Variants in MARK4 observed in about 807,000 individuals in gnomAD.
MARK4 encodes the protein microtubule affinity regulating kinase 4, also known as MAP/microtubule affinity-regulating kinase 4.
In MARK4, 19 loss-of-function variants were observed where a neutral mutation model predicts 81.5. That is an observed-to-expected ratio of 0.23 (90% CI 0.16 to 0.34). The LOEUF (loss-of-function observed/expected upper bound fraction) is 0.34, where lower values mean the gene tolerates loss of function less well. Ranked by LOEUF, MARK4 falls within the 10% of genes least tolerant of loss-of-function variation. MARK4 has a pLI of 1.00. For missense variants in MARK4, 772 were observed against 1,058.8 expected (o/e 0.73, Z 3.76); for synonymous variants, 436 against 439.0 (o/e 0.99, Z 0.08).
intron 12 of MARK4, among the ~76,000 whole-genome samples, chr19:45,286,442 G>A (rs1009291906): frequency 6.8e-6 from 1 of 146,082 alleles, no homozygotes; most frequent in African/African-American, 2.5e-5. Context: ...GGGTGCGGTG[G>A]CTCACGCCTG....
At position 45,302,564 on chromosome 19, in the gene MARK4, G is replaced by A. The variant is rs1246076455; in HGVS notation, c.2113G>A (p.Gly705Arg). The stretch of plus-strand genomic sequence containing the variant: ...GGCCTGCCTGCACGGGGGTGCGGGC[G>A]GGCCCGAGCCCCTGTCCCACTTCGA... Reference protein sequence around the residue: ...LLACLHGGAGGPEPLSHFEVE... With the variant: ...LLACLHGGAGRPEPLSHFEVE... Residue 705 changes from glycine to arginine, a missense_variant, in exon 17 of 17, where the codon GGG becomes AGG. Gly to Arg is a moderately radical substitution (Grantham distance 125). Coordinates refer to ENST00000262891, the MANE Select transcript of MARK4 (RefSeq NM_001199867.2). This position sits in a 1 kb window ranked among gnomAD's most constrained non-coding sequence, Gnocchi z 4.9. The A allele has an allele frequency of 1.3e-6, 2 of 1,578,518 alleles. No homozygotes were observed. The highest frequency in any genetic ancestry group is 2.3e-5 in the East Asian group (1 of 43,802).
At position 45,251,522 on chromosome 19, in the gene MARK4, A is replaced by G; in HGVS notation, c.-67A>G. 1.2e-6 allele frequency: 1 copy of G among 800,596 alleles called. No individual in the cohort carries two copies. Among genetic ancestry groups the G allele is most frequent in the South Asian group, 2.1e-5 (1 of 47,214 alleles). 49.6% of individuals were successfully genotyped at this position (800,596 alleles called of 1,614,324 possible). A position where few individuals can be genotyped will look rare whatever the true frequency, so the allele number is the denominator to read the frequency against. On this transcript the variant is annotated 5_prime_UTR_variant, in exon 1 of 17. Coordinates refer to ENST00000262891, the MANE Select transcript of MARK4 (RefSeq NM_001199867.2). ...CCCAGGCCGGCGGGGGGGGAGGGGAAGAGAGGGGACCCTGGGACCCCCGCC... is the reference window on the plus strand; with the variant it reads ...CCCAGGCCGGCGGGGGGGGAGGGGAGGAGAGGGGACCCTGGGACCCCCGCC...
In MARK4 at chr19:45,271,621, C is replaced by T. The variant is rs749335671; in HGVS notation, c.699C>T (p.Asp233=). 26 of 1,614,114 alleles carry T rather than the reference C, an allele frequency of 1.6e-5. No homozygotes were observed. Among genetic ancestry groups the T allele is most frequent in the African/African-American group, 6.7e-5 (5 of 74,936 alleles). ...APELFQGKKY[D]GPEVDIWSLG... is the part of the protein sequence containing the mutation. ...AGCTGTTTCAGGGCAAGAAGTACGA[C>T]GGGCCGGAGGTGGACATCTGGAGCC... The change falls in exon 8 of 17, where the codon GAC becomes GAT. Residue 233 remains aspartate (D), a synonymous_variant. Transcript: ENST00000262891. The surrounding 1 kb of genome is among the most constrained non-coding windows in gnomAD (Gnocchi z 4.1).
rs770140325 is a variant in MARK4, at chr19:45,258,979, C to T, written c.52-10C>T. The T allele has an allele frequency of 5.6e-6, 9 of 1,610,818 alleles. No homozygotes were observed. In the Admixed American group the frequency reaches 8.3e-5, roughly 15 times the overall value. The stretch of plus-strand genomic sequence containing the variant: ...GATTGGATAGCTCATGCTCCATCTC[C>T]CCCGCCCAGCATGGCACCTTGGGCA... On this transcript the variant is annotated splice_polypyrimidine_tract_variant and intron_variant, in intron 1 of 16. Transcript: ENST00000262891.
Position 45,285,023 on chromosome 19 carries a change from AGAGGTTGCAGTGAGCC to A in MARK4, c.1277-2420_1277-2405del, listed in dbSNP as rs1445960557. Among the ~76,000 whole-genome samples, 4 of 152,134 alleles carry A rather than the reference AGAGGTTGCAGTGAGCC, an allele frequency of 2.6e-5. No individual in the cohort carries two copies. The East Asian group carries it at 5.8e-4, about 22-fold the overall frequency. ...GGAGAATTGCTGGAACCCGGGAGGC[AGAGGTTGCAGTGAGCC>A]GAGATTGTGCCATTGCACTTCAGCC... On this transcript the variant is annotated intron_variant, in intron 12 of 16. Transcript: ENST00000262891.
rs897378071 is a variant in MARK4, at chr19:45,264,764, C to T, written c.421+15C>T. On this transcript the variant is annotated intron_variant, in intron 5 of 16. Transcript: ENST00000262891. ...CGCAAGTGCTGGTGAGCCGCCCACCCTCTCCGCCCTGCCCCTGTGCCACCT... is the reference window on the plus strand; with the variant it reads ...CGCAAGTGCTGGTGAGCCGCCCACCTTCTCCGCCCTGCCCCTGTGCCACCT... The T allele has an allele frequency of 1.9e-6, 3 of 1,613,906 alleles. No homozygotes were observed. Among genetic ancestry groups the T allele is most frequent in the African/African-American group, 1.3e-5 (1 of 74,936 alleles).
chr19:45,259,079 T>A lies in MARK4; in HGVS notation c.142T>A (p.Ser48Thr). 6.2e-7 allele frequency: 1 copy of A among 1,614,054 alleles called. No homozygotes were observed. The highest frequency in any genetic ancestry group is 8.5e-7 in the Non-Finnish European group (1 of 1,180,014). The change falls in exon 2 of 17, where the codon TCC (serine) becomes ACC (threonine). Residue 48 changes from serine (S) to threonine (T), a missense_variant. Physicochemically the swap from Ser to Thr is moderately conservative, Grantham distance 58 (BLOSUM62 1). Coordinates refer to ENST00000262891, the MANE Select transcript of MARK4 (RefSeq NM_001199867.2). ...LGARCRNSIA[S>T]CPEEQPHVGN... ...TGCCCGTTGCCGGAACTCCATCGCCTCCTGTCCCGAGGAGCAGCCCCACGT... is the reference window on the plus strand; with the variant it reads ...TGCCCGTTGCCGGAACTCCATCGCCACCTGTCCCGAGGAGCAGCCCCACGT...
intron 13 of MARK4, among the ~76,000 whole-genome samples, chr19:45,290,509 A>ATGACCAGTAT (rs1391039354): frequency 6.6e-6 from 1 of 152,262 alleles, no homozygotes; most frequent in Non-Finnish European, 1.5e-5. Flanking sequence ...GTGTCCAGCC[A>ATGACCAGTAT]TGACCAGTAT....
At chr19:45,262,908 G>A (rs1970397954) in intron 2 of MARK4, 11 of 549,706 alleles carry the variant, frequency 2.0e-5, no homozygotes, top group Non-Finnish European at 3.3e-6. Context: ...GGGATTACAG[G>A]TGCCTGCTAC....
At chr19:45,260,782 G>A (rs1970371266) in intron 2 of MARK4, among the ~76,000 whole-genome samples, 1 of 152,070 alleles carries the variant, frequency 6.6e-6, no homozygotes, top group African/African-American at 2.4e-5. Flanking sequence ...TTTAAGGGTG[G>A]ACTTTGGTTC....
intron 12 of MARK4, among the ~76,000 whole-genome samples, chr19:45,285,707 C>T (rs1021790670): frequency 3.3e-5 from 5 of 152,170 alleles, no homozygotes; most frequent in Non-Finnish European, 7.3e-5. Context: ...TCCAGGGATT[C>T]TCAGAGAGGG....
intron 6 of MARK4, among the ~76,000 whole-genome samples, chr19:45,265,688 T>TGGCC (rs1970444125): frequency 7.0e-6 from 1 of 143,818 alleles, no homozygotes; most frequent in Admixed American, 6.9e-5. Flanking sequence ...AGAGGAGTTG[T>TGGCC]GGGTGTGAGG....
In MARK4 at chr19:45,251,581, CGGA is replaced by C; in HGVS notation, c.-6_-4del. The stretch of plus-strand genomic sequence containing the variant: ...CCGGCCGCCCCTGCCCCCCGGGACC[CGGA>C]GAAGATGTCTTCGCGGACGGTGCTG... On this transcript the variant is annotated 5_prime_UTR_variant, in exon 1 of 17. Coordinates refer to ENST00000262891, the MANE Select transcript of MARK4 (RefSeq NM_001199867.2). 1 of 1,387,300 alleles carries C rather than the reference CGGA, an allele frequency of 7.2e-7. No individual in the cohort carries two copies. The highest frequency in any genetic ancestry group is 1.9e-4 in the Middle Eastern group (1 of 5,374). 85.9% of individuals were successfully genotyped at this position (1,387,300 alleles called of 1,614,324 possible). A position where few individuals can be genotyped will look rare whatever the true frequency, so the allele number is the denominator to read the frequency against.
intron 8 of MARK4, among the ~76,000 whole-genome samples, chr19:45,272,521 G>A (rs180741783): frequency 2.0e-5 from 3 of 152,144 alleles, no homozygotes; most frequent in Admixed American, 6.6e-5. Context: ...CTGAGGCTGG[G>A]GGGGAGGAGC....
chr19:45,292,100 C>CA (rs1227987004), intron 13 of MARK4, among the ~76,000 whole-genome samples: 6 of 152,106 alleles, frequency 3.9e-5, no homozygotes, highest in African/African-American at 1.4e-4. Context: ...TCTGAGTTCC[C>CA]AAGAACAGCA....
At chr19:45,280,258 T>G in intron 10 of MARK4, 116 bp from the exon 11 acceptor site, 1 of 863,900 alleles carries the variant, frequency 1.2e-6, no homozygotes, top group Non-Finnish European at 1.9e-6. Flanking sequence ...GCTGTGACCG[T>G]GCCACTGCAC....
At chr19:45,294,600 C>T in intron 14 of MARK4, 148 bp downstream of exon 14, 1 of 670,684 alleles carries the variant, frequency 1.5e-6, no homozygotes, top group South Asian at 1.8e-5. Context: ...CAGAATCGAC[C>T]CATGTACCCC....
chr19:45,302,657 G>A lies in MARK4; in HGVS notation c.2206G>A (p.Ala736Thr). 4 of 1,538,484 alleles carry A rather than the reference G, an allele frequency of 2.6e-6. No homozygotes were observed. The highest frequency in any genetic ancestry group is 3.5e-6 in the Non-Finnish European group (4 of 1,148,010). The change falls in exon 17 of 17, where the codon GCC becomes ACC. Residue 736 changes from alanine to threonine, a missense_variant. This residue lies in a region of MARK4 where 548 missense variants were observed against 624.3 expected (regional missense o/e 0.88). Transcript: ENST00000262891. This position sits in a 1 kb window ranked among gnomAD's most constrained non-coding sequence, Gnocchi z 4.9. Reference protein sequence around the residue: ...GVLFRRVAGTALAFRTLVTRI... With the variant: ...GVLFRRVAGTTLAFRTLVTRI... The stretch of plus-strand genomic sequence containing the variant: ...TCTCTTCCGCCGTGTGGCGGGCACC[G>A]CCCTGGCCTTCCGCACCCTCGTCAC...
Position 45,273,607 on chromosome 19 carries a change from C to G in MARK4, c.786+1899C>G, listed in dbSNP as rs1250302831. Among the ~76,000 whole-genome samples the G allele has an allele frequency of 2.0e-5, 3 of 152,288 alleles. No individual in the cohort carries two copies. In the South Asian group the frequency reaches 6.2e-4, roughly 32 times the overall value. Reference sequence around the variant, plus strand: ...TTTCATCCGGAACAGTTCTCAGCCTCTCTTTTGTCTTTCATGACATTGACA... The same window carrying G: ...TTTCATCCGGAACAGTTCTCAGCCTGTCTTTTGTCTTTCATGACATTGACA... On this transcript the variant is annotated intron_variant, in intron 8 of 16. Transcript: ENST00000262891.
Sources: gnomAD v4.1 joint callset for allele counts (sites outside exome capture counted in the v4.1 genomes callset) on GRCh38, gnomAD v4.1.1 for gene constraint, gnomAD v4.1.1 regional missense constraint, Gnocchi (gnomAD v3.1) non-coding constraint, MANE v1.5 for transcripts, NCBI Gene and HGNC (gene_info 2026-07-23, HGNC 2026-07-21) for gene names.